DAOA: variants seen among roughly 807,000 people sequenced by gnomAD.
DAOA encodes the protein D-amino acid oxidase activator, also known as D-amino acid oxidase regulator.
Under a neutral mutation model 16.4 loss-of-function variants are expected in DAOA, and 15 were observed. The ratio of observed to expected loss-of-function variants is 0.91; its 90% CI spans 0.61 to 1.41. The LOEUF (loss-of-function observed/expected upper bound fraction) is 1.41. Ranked by LOEUF, DAOA falls within the 40% of genes most tolerant of loss-of-function variation. The probability of loss-of-function intolerance (pLI) is 0.00; values close to 1 mark genes in which losing one functional copy is unlikely to be tolerated. For missense variants in DAOA, 230 were observed against 176.8 expected, an observed-to-expected ratio of 1.30 and a Z score of -1.71; for synonymous variants, 75 against 59.1, an observed-to-expected ratio of 1.27 and a Z score of -1.23.
At chr13:105,481,876 C>T (rs1877771913) in intron 4 of DAOA, among the ~76,000 whole-genome samples, 1 of 152,164 alleles carries the variant, frequency 6.6e-6, no homozygotes, top group Non-Finnish European at 1.5e-5. Flanking sequence ...GTTTTTTATA[C>T]TTGCTGTATT....
At chr13:105,484,685 GC>G (rs1877988608) in intron 4 of DAOA, among the ~76,000 whole-genome samples, 1 of 152,042 alleles carries the variant, frequency 6.6e-6, no homozygotes, top group Admixed American at 6.6e-5. Flanking sequence ...CTAAAATCAT[GC>G]ATTAGCTCTT....
Position 105,486,151 on chromosome 13 carries a change from T to G in DAOA, c.282-3750T>G, listed in dbSNP as rs1261469685. On this transcript the variant is annotated intron_variant, in intron 4 of 5. Coordinates refer to ENST00000375936, the MANE Select transcript of DAOA (RefSeq NM_172370.5). ...CCTTCTTCAAACTTTTAGTGGCTCC[T>G]TATTATTTTAAGGATGCTGTCCAGG... 4.6e-5 allele frequency among the ~76,000 whole-genome samples: 7 copies of G among 152,296 alleles called. No homozygotes were observed. The East Asian group carries it at 1.4e-3, about 29-fold the overall frequency.
At chr13:105,489,573 C>T (rs912816952) in intron 4 of DAOA, among the ~76,000 whole-genome samples, 1 of 152,212 alleles carries the variant, frequency 6.6e-6, no homozygotes, top group Admixed American at 6.5e-5. Context: ...AAAACTTTCT[C>T]AGTAAGCTAG....
At chr13:105,473,290 A>G (rs1406050255) in intron 4 of DAOA, among the ~76,000 whole-genome samples, 2 of 151,962 alleles carry the variant, frequency 1.3e-5, no homozygotes, top group East Asian at 1.9e-4. Context: ...ATCTGATGCT[A>G]TCTATCTTTT....
At chr13:105,476,872 AG>A (rs560205322) in intron 4 of DAOA, among the ~76,000 whole-genome samples, 6 of 151,962 alleles carry the variant, frequency 3.9e-5, no homozygotes, top group Non-Finnish European at 8.8e-5. Flanking sequence ...CCCCCTACAG[AG>A]CCCCTGTATT....
At chr13:105,466,472 T>C in intron 2 of DAOA, 140 bp downstream of exon 2, 1 of 1,366,210 alleles carries the variant, frequency 7.3e-7, no homozygotes, top group Non-Finnish European at 1.0e-6. Flanking sequence ...GCCCAGTATA[T>C]GGTTCAGCCT....
chr13:105,487,776 CAT>C (rs1193771279), intron 4 of DAOA, among the ~76,000 whole-genome samples: 1 of 152,072 alleles, frequency 6.6e-6, no homozygotes, highest in Non-Finnish European at 1.5e-5. Context: ...TTGGGCTAAA[CAT>C]AAAATATTTA....
At chr13:105,475,590 GT>G (rs2139180933) in intron 4 of DAOA, among the ~76,000 whole-genome samples, 1 of 152,234 alleles carries the variant, frequency 6.6e-6, no homozygotes, top group South Asian at 2.1e-4. Flanking sequence ...AACAAAGTAA[GT>G]TTTCATTCCA....
intron 4 of DAOA, among the ~76,000 whole-genome samples, chr13:105,478,418 A>G (rs1346745056): frequency 6.6e-6 from 1 of 152,078 alleles, no homozygotes; most frequent in Non-Finnish European, 1.5e-5. Context: ...GCAGATGCAT[A>G]CTCACCCATT....
intron 4 of DAOA, among the ~76,000 whole-genome samples, chr13:105,481,359 G>T (rs1358990208): frequency 6.6e-6 from 1 of 152,138 alleles, no homozygotes; most frequent in Non-Finnish European, 1.5e-5. Context: ...ATTGTTCACA[G>T]TACCACAGGT....
chr13:105,480,646 C>A (rs1256290890), intron 4 of DAOA, among the ~76,000 whole-genome samples: 1 of 151,880 alleles, frequency 6.6e-6, no homozygotes, highest in Non-Finnish European at 1.5e-5. Flanking sequence ...AGCTGGAGAT[C>A]CTGGCATGGA....
intron 3 of DAOA, among the ~76,000 whole-genome samples, chr13:105,468,815 G>A (rs924433801): frequency 5.3e-5 from 8 of 152,200 alleles, no homozygotes; most frequent in Middle Eastern, 6.3e-3. Context: ...TTTGTCTCTG[G>A]TTTGTGGAAT....
At chr13:105,476,526 A>G (rs957832733) in intron 4 of DAOA, among the ~76,000 whole-genome samples, 1 of 149,886 alleles carries the variant, frequency 6.7e-6, no homozygotes, top group Non-Finnish European at 1.5e-5. Context: ...AAAATTACAT[A>G]TGAGGTACTA....
intron 3 of DAOA, among the ~76,000 whole-genome samples, chr13:105,470,915 C>T (rs1319378153): frequency 1.3e-5 from 2 of 152,160 alleles, no homozygotes; most frequent in African/African-American, 2.4e-5. Context: ...CTCAACCTCC[C>T]GAGTAGCTGG....
Position 105,490,062 on chromosome 13 carries a change from C to A in DAOA, c.443C>A (p.Thr148Asn). The A allele has an allele frequency of 1.3e-6, 2 of 1,569,616 alleles. No homozygotes were observed. The highest frequency in any genetic ancestry group is 1.9e-5 in the Admixed American group (1 of 52,948). Residue 148 changes from threonine (T) to asparagine (N), a missense_variant, in exon 5 of 6, where the codon ACT becomes AAT. Physicochemically the swap from Thr to Asn is moderately conservative, Grantham distance 65. Coordinates refer to ENST00000375936, the MANE Select transcript of DAOA (RefSeq NM_172370.5). ...CAGTCATGCAACCACAAGGAAATAA[C>A]TTCTACCAAAGCTGAATGAGTTTGG... ...KDQSCNHKEI[T>N]STKAE is the part of the protein sequence containing the mutation.
rs72549478 is a variant in DAOA at position 105,472,644 on chromosome 13, A to T, written c.240A>T (p.Ser80=). The T allele has an allele frequency of 6.8e-4, 1,103 of 1,614,082 alleles. 10 individuals carry two copies. In the African/African-American group the frequency reaches 0.013, roughly 19 times the overall value. Residue 80 remains serine (S), a synonymous_variant, in exon 4 of 6, where the codon TCA becomes TCT. Coordinates refer to ENST00000375936, the MANE Select transcript of DAOA (RefSeq NM_172370.5). ...TGGCACAGAGGCATTTACAGAGATC[A>T]TTATGTCCTTGGGTCTCTTACCTTC... ...LEMAQRHLQR[S]LCPWVSYLPQ...
At chr13:105,471,186 A>G (rs572009141) in intron 3 of DAOA, among the ~76,000 whole-genome samples, 7 of 152,302 alleles carry the variant, frequency 4.6e-5, no homozygotes, top group African/African-American at 1.7e-4. Context: ...TGGCCTCCCA[A>G]AGTGCTGGGA....
At chr13:105,470,301 T>G (rs1280827938) in intron 3 of DAOA, among the ~76,000 whole-genome samples, 2 of 152,154 alleles carry the variant, frequency 1.3e-5, no homozygotes, top group Non-Finnish European at 2.9e-5. Flanking sequence ...TTTTCCAGTT[T>G]TGGGGAAACT....
At chr13:105,467,781 T>C (rs909181320) in intron 3 of DAOA, 1 of 151,562 alleles carries the variant, frequency 6.6e-6, no homozygotes, top group African/African-American at 2.4e-5. Context: ...TCTCTGGGCT[T>C]TTCTACACTA....
Sources: gnomAD v4.1 joint callset for allele counts (sites outside exome capture counted in the v4.1 genomes callset) on GRCh38, gnomAD v4.1.1 for gene constraint, MANE v1.5 for transcripts, NCBI Gene and HGNC (gene_info 2026-07-23, HGNC 2026-07-21) for gene names.